The following KCNK3 variants were observed in gnomAD, a reference collection of about 807,000 sequenced individuals.
KCNK3 encodes potassium two pore domain channel subfamily K member 3, also known as potassium channel subfamily K member 3.
KCNK3 carries 9 observed loss-of-function variants against 27.3 expected under a neutral mutation model. That is an observed-to-expected ratio of 0.33 (90% CI 0.20 to 0.57). The LOEUF is 0.57. Among genes scored for constraint, KCNK3 ranks in the 20% least tolerant of loss-of-function variants. The probability of loss-of-function intolerance (pLI) is 0.87; values close to 1 mark genes in which losing one functional copy is unlikely to be tolerated. For synonymous variants in KCNK3, 278 were observed against 273.8 expected (o/e 1.02, Z -0.15); for missense variants, 391 against 577.7 (o/e 0.68, Z 3.31).
intron 1 of KCNK3, among the ~76,000 whole-genome samples, chr2:26,723,524 T>A (rs2148268516): frequency 6.6e-6 from 1 of 152,340 alleles, no homozygotes; most frequent in South Asian, 2.1e-4. Flanking sequence ...AAGTAGGAGC[T>A]GCTGGGCCAT....
intron 1 of KCNK3, among the ~76,000 whole-genome samples, chr2:26,711,481 T>C (rs1409309792): frequency 2.0e-5 from 3 of 152,128 alleles, no homozygotes; most frequent in Non-Finnish European, 4.4e-5. Context: ...CCCTGAGACC[T>C]GCCCTCCACG....
intron 1 of KCNK3, among the ~76,000 whole-genome samples, chr2:26,699,207 G>GAGAAAGAAAGAAAGAAAGAAAGAGAGAA (rs1670274334): frequency 7.6e-6 from 1 of 130,966 alleles, no homozygotes; most frequent in Non-Finnish European, 1.6e-5. Flanking sequence ...AGGAAAGAGA[G>GAGAAAGAAAGAAAGAAAGAAAGAGAGAA]AGAAAGAAAG....
intron 1 of KCNK3, among the ~76,000 whole-genome samples, chr2:26,704,249 GGCTT>G (rs1278157681): frequency 1.3e-5 from 2 of 152,220 alleles, no homozygotes; most frequent in East Asian, 3.9e-4. Flanking sequence ...TTTTATTGAC[GGCTT>G]GCAGGAGCAC....
chr2:26,724,854 C>T (rs895235537), intron 1 of KCNK3, among the ~76,000 whole-genome samples: 44 of 151,608 alleles, frequency 2.9e-4, no homozygotes, highest in African/African-American at 9.0e-4. Context: ...GTAGGAGAGG[C>T]GAAGGAGGGC....
intron 1 of KCNK3, among the ~76,000 whole-genome samples, chr2:26,722,830 T>G (rs1663348691): frequency 1.3e-5 from 2 of 152,236 alleles, no homozygotes; most frequent in African/African-American, 4.8e-5. Flanking sequence ...TCCAAAATTT[T>G]GCCTCTGTGA....
At chr2:26,716,980 C>T (rs1277890856) in intron 1 of KCNK3, among the ~76,000 whole-genome samples, 1 of 152,116 alleles carries the variant, frequency 6.6e-6, no homozygotes, top group Non-Finnish European at 1.5e-5. Flanking sequence ...TTTGCCATGC[C>T]CATTGTCACG....
intron 1 of KCNK3, among the ~76,000 whole-genome samples, chr2:26,725,370 T>G (rs969183587): frequency 3.3e-5 from 5 of 151,690 alleles, no homozygotes; most frequent in Non-Finnish European, 7.4e-5. Context: ...TCTTCCAGAG[T>G]GTAGGAAAGA....
chr2:26,697,708 A>G (rs1248161665), intron 1 of KCNK3, among the ~76,000 whole-genome samples: 2 of 152,012 alleles, frequency 1.3e-5, no homozygotes, highest in Non-Finnish European at 2.9e-5. Context: ...TTTTGGCTCT[A>G]AGGCAACAAC....
At chr2:26,700,561 G>T (rs1249988601) in intron 1 of KCNK3, among the ~76,000 whole-genome samples, 1 of 152,212 alleles carries the variant, frequency 6.6e-6, no homozygotes, top group East Asian at 1.9e-4. Flanking sequence ...ACAAAAGCAA[G>T]TTCCTTACTA....
intron 1 of KCNK3, among the ~76,000 whole-genome samples, chr2:26,702,504 A>G (rs542653574): frequency 6.6e-6 from 1 of 152,330 alleles, no homozygotes; most frequent in South Asian, 2.1e-4. Flanking sequence ...GAGTGTGTCC[A>G]AGGGGTTGAA....
At chr2:26,701,123 G>A (rs952883190) in intron 1 of KCNK3, among the ~76,000 whole-genome samples, 4 of 152,196 alleles carry the variant, frequency 2.6e-5, no homozygotes, top group African/African-American at 9.7e-5. Context: ...GAGTAGCAAG[G>A]CTCTAAAGAA....
intron 1 of KCNK3, among the ~76,000 whole-genome samples, chr2:26,717,504 C>T (rs917202966): frequency 6.6e-6 from 1 of 152,256 alleles, no homozygotes; most frequent in Admixed American, 6.5e-5. Context: ...CTCAGCCATC[C>T]GCGAAGAGGG....
chr2:26,719,972 T>G (rs1253883549), intron 1 of KCNK3, among the ~76,000 whole-genome samples: 1 of 152,132 alleles, frequency 6.6e-6, no homozygotes, highest in Non-Finnish European at 1.5e-5. Flanking sequence ...ATCTATAAAA[T>G]GAGTGGGGGG....
At chr2:26,711,943 G>A (rs551664841) in intron 1 of KCNK3, among the ~76,000 whole-genome samples, 8 of 152,118 alleles carry the variant, frequency 5.3e-5, no homozygotes, top group Non-Finnish European at 7.4e-5. Flanking sequence ...CTGGGTCCTC[G>A]GGAGGCTGCC....
rs546359980 is a variant in KCNK3, at chr2:26,700,603, C to T, written c.283+7445C>T. On this transcript the variant is annotated intron_variant, in intron 1 of 1. Coordinates refer to ENST00000302909, the MANE Select transcript of KCNK3 (RefSeq NM_002246.3). Reference sequence around the variant, plus strand: ...CTTCCTCCAGTGACACAGCAAAGATCCCTTAGTGAAGGGGCCATGTGGCTG... The same window carrying T: ...CTTCCTCCAGTGACACAGCAAAGATTCCTTAGTGAAGGGGCCATGTGGCTG... Among the ~76,000 whole-genome samples, 4 of 152,348 alleles carry T rather than the reference C, an allele frequency of 2.6e-5. No homozygotes were observed. In the East Asian group the frequency reaches 7.7e-4, roughly 29 times the overall value.
chr2:26,706,116 G>T (rs916675863), intron 1 of KCNK3, among the ~76,000 whole-genome samples: 4 of 152,180 alleles, frequency 2.6e-5, no homozygotes, highest in African/African-American at 9.7e-5. Context: ...TACTTGGGAG[G>T]CTGGGCCACT....
In KCNK3 at chr2:26,728,603, G is replaced by A. The variant is rs1449968275; in HGVS notation, c.*35G>A. 7.1e-7 allele frequency: 1 copy of A among 1,409,580 alleles called. No individual in the cohort carries two copies. The highest frequency in any genetic ancestry group is 3.1e-5 in the Admixed American group (1 of 32,138). The allele number at this position is 1,409,580 out of a possible 1,614,324, so 87.3% of individuals were successfully genotyped here. On this transcript the variant is annotated 3_prime_UTR_variant, in exon 2 of 2. Transcript: ENST00000302909. ...GGGGCCTGGAGCACCTGGGGGCGCG[G>A]GCGGGGGACCCCTGCTGGGAGGCCA...
intron 1 of KCNK3, among the ~76,000 whole-genome samples, chr2:26,723,339 G>A (rs1233854760): frequency 3.3e-5 from 5 of 152,228 alleles, no homozygotes; most frequent in Admixed American, 3.3e-4. Flanking sequence ...GTGATTCTGG[G>A]AGGAAAACAG....
In KCNK3 at chr2:26,697,650, C is replaced by T. The variant is rs1031540545; in HGVS notation, c.283+4492C>T. Among the ~76,000 whole-genome samples the T allele has an allele frequency of 4.6e-5, 7 of 152,162 alleles. No homozygotes were observed. The East Asian group carries it at 1.4e-3, about 30-fold the overall frequency. The stretch of plus-strand genomic sequence containing the variant: ...GCCCAGCACCCGCCATGGGCACCTG[C>T]CATGGGCTCGCAGGTGCCCATTCTC... On this transcript the variant is annotated intron_variant, in intron 1 of 1. Transcript: ENST00000302909.
Sources: allele counts gnomAD v4.1 joint callset (sites outside exome capture counted in the v4.1 genomes callset), GRCh38; gene constraint gnomAD v4.1.1; transcripts MANE v1.5; gene names NCBI Gene and HGNC (gene_info 2026-07-23, HGNC 2026-07-21).